DCHS2: variants seen among roughly 807,000 people sequenced by gnomAD.
DCHS2 encodes dachsous cadherin-related 2.
In DCHS2, 142 loss-of-function variants were observed where a neutral mutation model predicts 182.4. That is an observed-to-expected ratio of 0.78 (90% CI 0.68 to 0.89). DCHS2 has a LOEUF of 0.89. Among genes scored for constraint, DCHS2 ranks in the 40% least tolerant of loss-of-function variants. The pLI, the probability that DCHS2 is intolerant of heterozygous loss-of-function variation, is 0.00. For missense variants in DCHS2, 4,319 were observed against 4,198.6 expected (o/e 1.03, Z -0.79); for synonymous variants, 1,740 against 1,663.3 (o/e 1.05, Z -1.12).
Position 154,350,418 on chromosome 4 carries a change from T to C in DCHS2, c.2477-15314A>G, listed in dbSNP as rs531152324. Among the ~76,000 whole-genome samples the C allele has an allele frequency of 2.5e-4, 38 of 152,252 alleles. 1 individual carries two copies. Among genetic ancestry groups the C allele is most frequent in the Middle Eastern group, 6.8e-3 (2 of 294 alleles). On this transcript the variant is annotated intron_variant, in intron 3 of 19. Coordinates refer to ENST00000357232, the MANE Select transcript of DCHS2 (RefSeq NM_001358235.2). ...GAAGATCTGTAGTTTTTTTTAAATT[T>C]TTTTTCAACTTGAAGGTGAAACTGT...
intron 3 of DCHS2, among the ~76,000 whole-genome samples, chr4:154,354,370 G>A (rs987222481): frequency 6.4e-4 from 98 of 152,212 alleles, no homozygotes; most frequent in African/African-American, 2.2e-3. Context: ...GCACTTCTAA[G>A]GTATTTGTCA....
intron 1 of DCHS2, among the ~76,000 whole-genome samples, chr4:154,401,777 G>C (rs926102324): frequency 1.3e-5 from 2 of 152,184 alleles, no homozygotes; most frequent in Non-Finnish European, 2.9e-5. Context: ...TGGATCACTT[G>C]AGGTCAGGAA....
chr4:154,395,679 A>G (rs1731902114), intron 1 of DCHS2, among the ~76,000 whole-genome samples: 1 of 152,232 alleles, frequency 6.6e-6, no homozygotes, highest in African/African-American at 2.4e-5. Context: ...GCATTTTCAA[A>G]GCACAAGCAA....
chr4:154,458,523 G>A (rs1057467027), intron 1 of DCHS2, among the ~76,000 whole-genome samples: 2 of 151,732 alleles, frequency 1.3e-5, no homozygotes, highest in Non-Finnish European at 2.9e-5. Context: ...AAGTTAAAAA[G>A]GGAATGATTG....
rs1560745997 is a variant in DCHS2, at chr4:154,417,246, AGAGAG to A, written c.2053-39807_2053-39803del. On this transcript the variant is annotated intron_variant, in intron 1 of 19. Transcript: ENST00000357232. ...GAGAGAGAGAGAGAGAGAGAGAGAG[AGAGAG>A]ACCAGTCAGGGGAACTGGGAGTCAT... Among the ~76,000 whole-genome samples, 9 of 136,476 alleles carry A rather than the reference AGAGAG, an allele frequency of 6.6e-5. 1 individual carries two copies. Among genetic ancestry groups the A allele is most frequent in the African/African-American group, 2.2e-4 (8 of 35,580 alleles). The allele number at this position is 136,476 out of a possible 152,430, so 89.5% of individuals were successfully genotyped here.
intron 1 of DCHS2, among the ~76,000 whole-genome samples, chr4:154,456,271 G>T (rs1734761829): frequency 6.6e-6 from 1 of 152,148 alleles, no homozygotes; most frequent in Non-Finnish European, 1.5e-5. Flanking sequence ...GGGGCTGTGA[G>T]ATTGGAAACC....
intron 1 of DCHS2, among the ~76,000 whole-genome samples, chr4:154,413,351 T>A (rs1732706687): frequency 6.6e-6 from 1 of 152,074 alleles, no homozygotes; most frequent in African/African-American, 2.4e-5. Context: ...GAACACCACT[T>A]TTTGTCACCT....
rs139456953 is a variant in DCHS2 at position 154,417,897 on chromosome 4, T to C, written c.2053-40453A>G. Reference sequence around the variant, plus strand: ...AACAAACTAAGTTAATTAAAATTTCTCAATGTTAAGCTTTTTTTCCCAATA... The same window carrying C: ...AACAAACTAAGTTAATTAAAATTTCCCAATGTTAAGCTTTTTTTCCCAATA... On this transcript the variant is annotated intron_variant, in intron 1 of 19. Coordinates refer to ENST00000357232, the MANE Select transcript of DCHS2 (RefSeq NM_001358235.2). Among the ~76,000 whole-genome samples the C allele has an allele frequency of 8.7e-3, 1,332 of 152,338 alleles. 59 individuals are homozygous for C. Among genetic ancestry groups the C allele is most frequent in the Non-Finnish European group, 3.1e-3 (214 of 68,028 alleles).
intron 1 of DCHS2, among the ~76,000 whole-genome samples, chr4:154,483,590 T>C (rs965954301): frequency 2.0e-5 from 3 of 152,104 alleles, no homozygotes; most frequent in African/African-American, 4.8e-5. Context: ...AGATGGTCCA[T>C]AGGAAACAGG....
chr4:154,256,746 A>G (rs1377329634), intron 15 of DCHS2, among the ~76,000 whole-genome samples: 3 of 152,118 alleles, frequency 2.0e-5, no homozygotes, highest in Admixed American at 2.0e-4. Flanking sequence ...CTGGGCTACT[A>G]TACTGATGAA....
At chr4:154,304,545 A>T in intron 12 of DCHS2, 124 bp downstream of exon 12, 1 of 775,086 alleles carries the variant, frequency 1.3e-6, no homozygotes, top group Non-Finnish European at 2.0e-6. Context: ...AGGCACAAGA[A>T]TTGCTTGAAC....
At chr4:154,391,356 T>C in intron 1 of DCHS2, 1 of 1,536,388 alleles carries the variant, frequency 6.5e-7, no homozygotes, top group African/African-American at 1.4e-5. Context: ...GCATGAACCC[T>C]TTCCTTGTGC....
chr4:154,433,229 C>A (rs1560755243), intron 1 of DCHS2, among the ~76,000 whole-genome samples: 1 of 151,918 alleles, frequency 6.6e-6, no homozygotes, highest in Admixed American at 6.6e-5. Context: ...CAGCCACAAG[C>A]CAAGGAGGGA....
chr4:154,394,488 T>C (rs1731850511), intron 1 of DCHS2, among the ~76,000 whole-genome samples: 1 of 152,188 alleles, frequency 6.6e-6, no homozygotes, highest in African/African-American at 2.4e-5. Context: ...TGGTTACAAG[T>C]AACAGAACAT....
At chr4:154,391,319 G>C in intron 1 of DCHS2, 4 of 1,565,304 alleles carry the variant, frequency 2.6e-6, no homozygotes, top group Non-Finnish European at 3.5e-6. Context: ...TCTCCTATAT[G>C]AGGGTAGCTT....
At chr4:154,319,180 C>T (rs941994000) in intron 9 of DCHS2, among the ~76,000 whole-genome samples, 5 of 151,862 alleles carry the variant, frequency 3.3e-5, no homozygotes, top group Non-Finnish European at 5.9e-5. Flanking sequence ...TTACACTATA[C>T]AAAAATAAAA....
chr4:154,343,380 C>T lies in DCHS2; in HGVS notation c.2477-8276G>A, dbSNP rs549729903. 4.5e-5 allele frequency: 56 copies of T among 1,233,156 alleles called. No homozygotes were observed. In the African/African-American group the frequency reaches 8.1e-4, roughly 18 times the overall value. 76.4% of individuals were successfully genotyped at this position (1,233,156 alleles called of 1,614,324 possible). ...TTCTGAAGCCAGGCATTGACTTCTC[C>T]TCTCTAGCTATGAAAGTCCTAGATG... On this transcript the variant is annotated intron_variant, in intron 3 of 19. Coordinates refer to ENST00000357232, the MANE Select transcript of DCHS2 (RefSeq NM_001358235.2).
In DCHS2 at chr4:154,304,650, AAC is replaced by A. The variant is rs1735367484; in HGVS notation, c.5605+17_5605+18del. The A allele has an allele frequency of 1.9e-6, 3 of 1,589,648 alleles. No individual in the cohort carries two copies. On this transcript the variant is annotated intron_variant, in intron 12 of 19. Coordinates refer to ENST00000357232, the MANE Select transcript of DCHS2 (RefSeq NM_001358235.2). ...TCTTAAAAAAACAAACAAACAAACA[AAC>A]AAACAAACAAACTTACCAATTATGT...
intron 7 of DCHS2, chr4:154,323,284 G>A (rs563095851): frequency 9.9e-5 from 153 of 1,548,136 alleles, no homozygotes; most frequent in East Asian, 2.0e-4. Flanking sequence ...TTTTTTGCAC[G>A]ACTGCTTCCC....
Sources: allele counts gnomAD v4.1 joint callset (sites outside exome capture counted in the v4.1 genomes callset), GRCh38; gene constraint gnomAD v4.1.1; transcripts MANE v1.5; gene names NCBI Gene and HGNC (gene_info 2026-07-23, HGNC 2026-07-21).